Variants in KIF25 observed in about 807,000 individuals in gnomAD.
KIF25 encodes the protein kinesin family member 25.
In KIF25, 19 loss-of-function variants were observed where a neutral mutation model predicts 32.9. The ratio of observed to expected loss-of-function variants is 0.58; its 90% CI spans 0.40 to 0.85. KIF25 has a LOEUF of 0.85. KIF25 is among the 40% of genes least tolerant of loss of function. The pLI is 0.00. For synonymous variants in KIF25, 225 were observed against 213.7 expected, an observed-to-expected ratio of 1.05 and a Z score of -0.46; for missense variants, 485 against 507.0, an observed-to-expected ratio of 0.96 and a Z score of 0.42.
At chr6:168,005,344 C>T (rs376927401) in intron 4 of KIF25, among the ~76,000 whole-genome samples, 3 of 152,094 alleles carry the variant, frequency 2.0e-5, no homozygotes, top group African/African-American at 7.2e-5. Context: ...TGACACAGAG[C>T]CCCCCGGAAA....
At chr6:168,044,684 C>A (rs1233158905) in intron 12 of KIF25, 143 bp from the exon 13 acceptor site, 2 of 811,900 alleles carry the variant, frequency 2.5e-6, no homozygotes, top group African/African-American at 1.7e-5. Flanking sequence ...GTCCCAGGAA[C>A]CTGCCAGACG....
chr6:168,011,179 A>G (rs188782955), intron 4 of KIF25, among the ~76,000 whole-genome samples: 1 of 152,222 alleles, frequency 6.6e-6, no homozygotes, highest in African/African-American at 2.4e-5. Flanking sequence ...TGTTTTGTCT[A>G]TCCTTTGCTT....
chr6:168,038,511 T>C, intron 8 of KIF25, 42 bp from the exon 9 acceptor site: 2 of 1,603,408 alleles, frequency 1.2e-6, no homozygotes, highest in Non-Finnish European at 1.7e-6. Context: ...AAAATCACTC[T>C]GTGAGACTTT....
intron 4 of KIF25, among the ~76,000 whole-genome samples, chr6:168,013,674 G>A (rs1798678298): frequency 6.7e-6 from 1 of 148,336 alleles, no homozygotes; most frequent in African/African-American, 2.6e-5. Context: ...AGGACTGTAG[G>A]TGTTTTCTGT....
At chr6:168,042,416 C>T in intron 11 of KIF25, 145 bp from the exon 12 acceptor site, 2 of 1,102,566 alleles carry the variant, frequency 1.8e-6, no homozygotes, top group Non-Finnish European at 2.6e-6. Context: ...TGAGCAGAGC[C>T]ATGAAAGACA....
intron 4 of KIF25, among the ~76,000 whole-genome samples, chr6:168,010,073 T>C (rs1328323781): frequency 6.6e-6 from 1 of 152,030 alleles, no homozygotes; most frequent in Admixed American, 6.5e-5. Flanking sequence ...GTGGTTCTAA[T>C]CTTTATTTAT....
At chr6:168,013,811 AC>A (rs1798680069) in intron 4 of KIF25, among the ~76,000 whole-genome samples, 1 of 151,914 alleles carries the variant, frequency 6.6e-6, no homozygotes, top group Admixed American at 6.6e-5. Context: ...GCCTTCCTGG[AC>A]TTCCGGTCAA....
At chr6:168,001,593 AGGTGAGAAGACACCTGAGGCCG>A (rs766662368) in intron 2 of KIF25, among the ~76,000 whole-genome samples, 33,904 of 145,340 alleles carry the variant, frequency 0.23, 6,757 homozygotes, top group African/African-American at 0.26. Context: ...GGCCTCGGGC[AGGTGAGAAGACACCTGAGGCCG>A]TGGCCTCGGG....
At chr6:168,044,299 GATGCTA>G (rs1799182259) in intron 12 of KIF25, among the ~76,000 whole-genome samples, 2 of 141,460 alleles carry the variant, frequency 1.4e-5, no homozygotes, top group Admixed American at 7.0e-5. Flanking sequence ...CCAGGTGAGG[GATGCTA>G]GTGACCGGCT....
At chr6:168,032,145 G>A (rs536197656) in intron 7 of KIF25, among the ~76,000 whole-genome samples, 1 of 152,318 alleles carries the variant, frequency 6.6e-6, no homozygotes, top group East Asian at 1.9e-4. Context: ...CGATATTAAG[G>A]CTGCAGGGTA....
At chr6:168,022,624 ATTG>A (rs1798802094) in intron 5 of KIF25, among the ~76,000 whole-genome samples, 1 of 151,914 alleles carries the variant, frequency 6.6e-6, no homozygotes, top group South Asian at 2.1e-4. Context: ...AGAATGTTCT[ATTG>A]TGTCTGGTTC....
At chr6:168,032,605 C>G (rs1798957201) in intron 7 of KIF25, among the ~76,000 whole-genome samples, 1 of 152,220 alleles carries the variant, frequency 6.6e-6, no homozygotes, top group Non-Finnish European at 1.5e-5. Flanking sequence ...ACCGTCAGCC[C>G]CAGGACTGGG....
chr6:168,043,711 G>A (rs1176032176), intron 12 of KIF25, among the ~76,000 whole-genome samples: 5 of 152,236 alleles, frequency 3.3e-5, no homozygotes, highest in African/African-American at 1.2e-4. Flanking sequence ...GTGATCTCAG[G>A]GGCGGCACCG....
chr6:168,013,754 A>G (rs976051162), intron 4 of KIF25, among the ~76,000 whole-genome samples: 1 of 150,530 alleles, frequency 6.6e-6, no homozygotes, highest in African/African-American at 2.5e-5. Context: ...GGCAGATCTG[A>G]CCCAGGCAGG....
intron 4 of KIF25, among the ~76,000 whole-genome samples, chr6:168,011,445 T>C (rs568963347): frequency 6.6e-6 from 1 of 152,370 alleles, no homozygotes; most frequent in Non-Finnish European, 1.5e-5. Context: ...CTTTCATTTC[T>C]GAAGGATAGC....
chr6:168,031,564 C>T (rs754348790), intron 7 of KIF25, among the ~76,000 whole-genome samples: 1 of 152,228 alleles, frequency 6.6e-6, no homozygotes, highest in African/African-American at 2.4e-5. Context: ...TCTGACCACG[C>T]ACGCACGCGG....
chr6:168,042,536 G>A, intron 11 of KIF25, 25 bp from the exon 12 acceptor site: 2 of 1,599,482 alleles, frequency 1.3e-6, no homozygotes, highest in Non-Finnish European at 1.7e-6. Context: ...TGCAAACGGT[G>A]ATGGTGCGTG....
At chr6:168,031,288 A>G (rs1269484801) in intron 7 of KIF25, among the ~76,000 whole-genome samples, 1 of 151,758 alleles carries the variant, frequency 6.6e-6, no homozygotes, top group Non-Finnish European at 1.5e-5. Flanking sequence ...AGTGGGCTGT[A>G]ATTTAGGAAT....
intron 5 of KIF25, among the ~76,000 whole-genome samples, chr6:168,025,259 G>C (rs1240365324): frequency 6.6e-6 from 1 of 152,164 alleles, no homozygotes; most frequent in Non-Finnish European, 1.5e-5. Flanking sequence ...TCTCCTTCGT[G>C]ATGAATTCTT....
Sources: allele counts gnomAD v4.1 joint callset (sites outside exome capture counted in the v4.1 genomes callset), GRCh38; gene constraint gnomAD v4.1.1; transcripts MANE v1.5; gene names NCBI Gene and HGNC (gene_info 2026-07-23, HGNC 2026-07-21).